The following TIAM2 variants were observed in gnomAD, a reference collection of about 807,000 sequenced individuals.
The protein encoded by TIAM2 is rho guanine nucleotide exchange factor TIAM2.
TIAM2 carries 80 observed loss-of-function variants against 152.9 expected under a neutral mutation model. The observed-to-expected ratio is 0.52, with a 90% CI of 0.44 to 0.63. The LOEUF (loss-of-function observed/expected upper bound fraction) is 0.63. Among genes scored for constraint, TIAM2 ranks in the 30% least tolerant of loss-of-function variants. The pLI is 0.00. For synonymous variants in TIAM2, 804 were observed against 838.0 expected (o/e 0.96, Z 0.70); for missense variants, 1,965 against 2,120.1 (o/e 0.93, Z 1.44).
chr6:155,211,448 G>A (rs1237764410), intron 15 of TIAM2, 141 bp downstream of exon 15: 2 of 606,506 alleles, frequency 3.3e-6, no homozygotes, highest in African/African-American at 3.7e-5. Flanking sequence ...ATATGTTAAG[G>A]ATACAGCTTC....
chr6:155,170,480 A>T (rs1266568950), intron 9 of TIAM2, among the ~76,000 whole-genome samples: 2 of 152,098 alleles, frequency 1.3e-5, no homozygotes, highest in African/African-American at 4.8e-5. Flanking sequence ...ATCCGAGTGT[A>T]GTGGCTTGCT....
At chr6:155,084,425 C>T (rs977867277) in intron 1 of TIAM2, among the ~76,000 whole-genome samples, 7 of 152,322 alleles carry the variant, frequency 4.6e-5, no homozygotes, top group South Asian at 2.1e-4. Context: ...ATAGTGCTAA[C>T]TTTTGTATCC....
At chr6:155,176,793 T>A in intron 9 of TIAM2, 23 bp from the exon 10 acceptor site, 1 of 1,603,610 alleles carries the variant, frequency 6.2e-7, no homozygotes, top group Non-Finnish European at 8.5e-7. Context: ...TTGTCTGCAT[T>A]TTCTTTTGGC....
At chr6:155,114,331 A>C (rs1208601311) in intron 2 of TIAM2, among the ~76,000 whole-genome samples, 2 of 151,958 alleles carry the variant, frequency 1.3e-5, no homozygotes, top group Non-Finnish European at 2.9e-5. Context: ...TTGGGATTAC[A>C]GGCGTGAGCC....
chr6:155,032,735 T>G (rs1475391283), intron 1 of TIAM2, among the ~76,000 whole-genome samples: 2 of 152,164 alleles, frequency 1.3e-5, no homozygotes, highest in East Asian at 3.9e-4. Context: ...AGAGACGGGT[T>G]TCGCCATGTT....
intron 14 of TIAM2, among the ~76,000 whole-genome samples, chr6:155,194,090 T>G (rs1014946724): frequency 3.3e-5 from 5 of 152,184 alleles, no homozygotes; most frequent in African/African-American, 1.2e-4. Context: ...TCCAGGTTGA[T>G]CAGGGCCACT....
chr6:155,105,132 A>G (rs1778652019), intron 2 of TIAM2, among the ~76,000 whole-genome samples: 1 of 151,588 alleles, frequency 6.6e-6, no homozygotes, highest in Non-Finnish European at 1.5e-5. Flanking sequence ...AATTTTTTGT[A>G]TTTTTAGTAG....
At chr6:155,228,314 T>G (rs1171843811) in intron 15 of TIAM2, among the ~76,000 whole-genome samples, 1 of 152,192 alleles carries the variant, frequency 6.6e-6, no homozygotes, top group African/African-American at 2.4e-5. Context: ...AGAATTTGGT[T>G]ATAGTTGCTG....
chr6:155,181,711 A>G (rs1370955965), intron 12 of TIAM2, among the ~76,000 whole-genome samples: 3 of 152,190 alleles, frequency 2.0e-5, no homozygotes, highest in African/African-American at 4.8e-5. Flanking sequence ...CCACCATTCT[A>G]TTAATACTTT....
At chr6:155,250,060 C>T in intron 21 of TIAM2, 91 bp downstream of exon 21, 1 of 863,424 alleles carries the variant, frequency 1.2e-6, no homozygotes, top group Non-Finnish European at 1.8e-6. Context: ...TTAGGACTTT[C>T]CTGGAGGAGA....
intron 2 of TIAM2, among the ~76,000 whole-genome samples, chr6:155,092,334 G>A (rs1489804171): frequency 6.6e-6 from 1 of 152,010 alleles, no homozygotes; most frequent in East Asian, 2.0e-4. Context: ...CTGGGCTCAA[G>A]TGATCCGCCC....
At chr6:154,997,880 C>T (rs1778245979) in intron 1 of TIAM2, among the ~76,000 whole-genome samples, 1 of 151,982 alleles carries the variant, frequency 6.6e-6, no homozygotes. Flanking sequence ...TCAAGTGATC[C>T]ACCCTCCTCA....
chr6:155,058,033 GT>G (rs1361726959), intron 1 of TIAM2, among the ~76,000 whole-genome samples: 1 of 152,076 alleles, frequency 6.6e-6, no homozygotes, highest in Non-Finnish European at 1.5e-5. Context: ...AATTGTTCCT[GT>G]TTTGACCATT....
At chr6:155,255,087 T>A (rs905755387) in intron 26 of TIAM2, 3 of 154,518 alleles carry the variant, frequency 1.9e-5, no homozygotes, top group Non-Finnish European at 4.3e-5. Context: ...ATACATTTCA[T>A]GAGATACTCA....
At chr6:155,078,584 A>G (rs970969320) in intron 1 of TIAM2, among the ~76,000 whole-genome samples, 1 of 152,092 alleles carries the variant, frequency 6.6e-6, no homozygotes, top group African/African-American at 2.4e-5. Flanking sequence ...ACTCGGACAC[A>G]TTCTTCAAGG....
chr6:155,165,858 A>G (rs2115102575), intron 9 of TIAM2, among the ~76,000 whole-genome samples: 1 of 152,136 alleles, frequency 6.6e-6, no homozygotes, highest in South Asian at 2.1e-4. Flanking sequence ...TTTTTAACCC[A>G]ACGAAACTGC....
chr6:155,195,898 G>C (rs1025715520), intron 14 of TIAM2, among the ~76,000 whole-genome samples: 3 of 152,254 alleles, frequency 2.0e-5, no homozygotes, highest in Non-Finnish European at 4.4e-5. Flanking sequence ...GAGCAGAGCA[G>C]TGAGAGGTGA....
intron 1 of TIAM2, among the ~76,000 whole-genome samples, chr6:154,998,868 G>A: frequency 6.6e-6 from 1 of 152,184 alleles, no homozygotes; most frequent in Admixed American, 6.5e-5. Context: ...ACAGCCTTCT[G>A]TATATTCCAT....
At chr6:155,047,091 G>A (rs1777191392) in intron 1 of TIAM2, among the ~76,000 whole-genome samples, 2 of 152,190 alleles carry the variant, frequency 1.3e-5, no homozygotes, top group Admixed American at 1.3e-4. Context: ...TCCCGCCTAT[G>A]TAGTGTTTGT....
Sources: allele counts gnomAD v4.1 joint callset (sites outside exome capture counted in the v4.1 genomes callset), GRCh38; gene constraint gnomAD v4.1.1; transcripts MANE v1.5; gene names NCBI Gene and HGNC (gene_info 2026-07-23, HGNC 2026-07-21).